The following TJP1 variants were observed in gnomAD, a reference collection of about 807,000 sequenced individuals.
TJP1 encodes the protein tight junction protein ZO-1.
TJP1 carries 43 observed loss-of-function variants against 194.2 expected under a neutral mutation model. The ratio of observed to expected loss-of-function variants is 0.22; its 90% confidence interval spans 0.17 to 0.29. The LOEUF is 0.29. Among genes scored for constraint, TJP1 ranks in the 10% least tolerant of loss-of-function variants. The probability of loss-of-function intolerance (pLI) is 1.00; values close to 1 mark genes in which losing one functional copy is unlikely to be tolerated. For synonymous variants in TJP1, 801 were observed against 779.0 expected (o/e 1.03, Z -0.47); for missense variants, 1,971 against 2,185.7 (o/e 0.90, Z 1.96).
At chr15:29,901,910 A>G (rs1181228412) in intron 2 of TJP1, among the ~76,000 whole-genome samples, 1 of 151,846 alleles carries the variant, frequency 6.6e-6, no homozygotes, top group Non-Finnish European at 1.5e-5. Flanking sequence ...AGGTATTTTC[A>G]TACTGTTCTC....
At chr15:29,762,985 T>G (rs371255820) in intron 5 of TJP1, among the ~76,000 whole-genome samples, 16 of 152,200 alleles carry the variant, frequency 1.1e-4, no homozygotes, top group Admixed American at 9.8e-4. Context: ...ACTATTATCA[T>G]GCATATACTA....
chr15:29,776,190 T>G (rs556162719), intron 2 of TJP1, among the ~76,000 whole-genome samples: 1 of 152,090 alleles, frequency 6.6e-6, no homozygotes, highest in South Asian at 2.1e-4. Flanking sequence ...AAATACTCCA[T>G]GAAAAAGGGA....
chr15:29,824,119 G>GAAAAAA (rs1567108174), upstream of TJP1: 10 of 17,624 alleles, frequency 5.7e-4, 2 homozygotes, highest in Non-Finnish European at 8.4e-4. Flanking sequence ...AAAAAAAAAT[G>GAAAAAA]GTGGCCAGGC....
intron 4 of TJP1, among the ~76,000 whole-genome samples, chr15:29,768,157 T>C (rs1394678018): frequency 6.6e-6 from 1 of 152,166 alleles, no homozygotes; most frequent in African/African-American, 2.4e-5. Flanking sequence ...TGGTTCAGGA[T>C]CAGGATGAGG....
At chr15:29,705,834 T>C in intron 25 of TJP1, 89 bp from the exon 26 acceptor site, 1 of 1,120,884 alleles carries the variant, frequency 8.9e-7, no homozygotes, top group East Asian at 2.4e-5. Flanking sequence ...GCTTTCACTT[T>C]TATTTCTCCA....
chr15:29,781,923 C>T (rs547380711), intron 2 of TJP1, among the ~76,000 whole-genome samples: 1 of 152,286 alleles, frequency 6.6e-6, no homozygotes, highest in East Asian at 1.9e-4. Context: ...GACAAGGATG[C>T]CCTCTCTCAT....
In TJP1 at chr15:29,925,623, T is replaced by TA. The variant is rs1413824099; in HGVS notation, c.306+30608dup. ...CAAATACACGCACCCTTTTTTCTAG[T>TA]ATGGGCTGTTCTTAAAGGTATGTGT... On this transcript the variant is annotated intron_variant, in intron 2 of 28. Transcript: ENST00000356107. 4.6e-5 allele frequency among the ~76,000 whole-genome samples: 7 copies of TA among 152,196 alleles called. No homozygotes were observed. In the East Asian group the frequency reaches 1.3e-3, roughly 29 times the overall value.
intron 1 of TJP1, among the ~76,000 whole-genome samples, chr15:29,821,766 C>A (rs1214341443): frequency 6.6e-6 from 1 of 150,714 alleles, no homozygotes; most frequent in Non-Finnish European, 1.5e-5. Context: ...AGTACGGCGG[C>A]CGGGCGCCCG....
At chr15:29,886,902 A>G (rs2053133098) in intron 2 of TJP1, among the ~76,000 whole-genome samples, 1 of 152,158 alleles carries the variant, frequency 6.6e-6, no homozygotes, top group Admixed American at 6.6e-5. Flanking sequence ...TAAATTTTCC[A>G]AAGTTCATCT....
At chr15:29,769,742 T>C (rs778794900) in intron 4 of TJP1, among the ~76,000 whole-genome samples, 38 of 152,170 alleles carry the variant, frequency 2.5e-4, no homozygotes, top group Non-Finnish European at 5.3e-4. Flanking sequence ...CTTATGTTGG[T>C]GGTGATGCTG....
intron 1 of TJP1, among the ~76,000 whole-genome samples, chr15:29,801,887 TA>T (rs150014635): frequency 9.5e-5 from 14 of 147,622 alleles, no homozygotes; most frequent in South Asian, 2.1e-4. Context: ...CTGATGAGCT[TA>T]AAAAAAAAAT....
intron 2 of TJP1, among the ~76,000 whole-genome samples, chr15:29,779,928 C>T (rs540403694): frequency 3.3e-5 from 5 of 150,890 alleles, no homozygotes; most frequent in African/African-American, 7.3e-5. Flanking sequence ...AGCATGTGAA[C>T]GAAGCCATAT....
chr15:29,827,527 C>T lies in TJP1; in HGVS notation c.307-26825G>A, dbSNP rs901963111. ...CTGGCTGTGTTCAGTCTCTTCTAGC[C>T]GGCTTGAGGCATCCTCCAGGGACAA... On this transcript the variant is annotated intron_variant, in intron 2 of 28. Transcript: ENST00000356107. Among the ~76,000 whole-genome samples, 8 of 152,272 alleles carry T rather than the reference C, an allele frequency of 5.3e-5. No homozygotes were observed. In the East Asian group the frequency reaches 9.7e-4, roughly 18 times the overall value.
At chr15:29,746,351 C>G (rs1252136512) in intron 8 of TJP1, among the ~76,000 whole-genome samples, 1 of 151,438 alleles carries the variant, frequency 6.6e-6, no homozygotes, top group Admixed American at 6.6e-5. Context: ...GCACTCCAGC[C>G]TGGACGACAG....
chr15:29,956,128 A>C, intron 2 of TJP1: 1 of 1,019,398 alleles, frequency 9.8e-7, no homozygotes, highest in Non-Finnish European at 1.2e-6. Flanking sequence ...AAAATTAAAA[A>C]ATGCCTGCCA....
chr15:29,821,705 C>G (rs1188357786), intron 1 of TJP1, among the ~76,000 whole-genome samples: 3 of 152,078 alleles, frequency 2.0e-5, no homozygotes, highest in African/African-American at 7.2e-5. Context: ...CGTGTCCCCG[C>G]CCTCAGCGAG....
intron 2 of TJP1, among the ~76,000 whole-genome samples, chr15:29,948,542 G>A (rs1335899318): frequency 6.6e-6 from 1 of 152,146 alleles, no homozygotes; most frequent in East Asian, 1.9e-4. Flanking sequence ...TTTAGGGGAA[G>A]TTTTCTATGC....
chr15:29,710,036 C>G lies in TJP1; in HGVS notation c.4372+795G>C, dbSNP rs537193025. Reference sequence around the variant, plus strand: ...TGGTGTGCGCCTATAGTCCCAGCTACTCAGGAGGCTGAGGCAGGAGAATCA... The same window carrying G: ...TGGTGTGCGCCTATAGTCCCAGCTAGTCAGGAGGCTGAGGCAGGAGAATCA... On this transcript the variant is annotated intron_variant, in intron 24 of 27. Coordinates refer to ENST00000614355, the MANE Select transcript of TJP1 (RefSeq NM_001330239.4). Among the ~76,000 whole-genome samples the G allele has an allele frequency of 2.0e-5, 3 of 152,178 alleles. No individual in the cohort carries two copies. In the South Asian group the frequency reaches 6.2e-4, roughly 32 times the overall value.
chr15:29,822,945 G>A (rs2152025894), upstream of TJP1: 1 of 152,300 alleles, frequency 6.6e-6, no homozygotes, highest in Middle Eastern at 3.4e-3. Context: ...TCTGCAAGGC[G>A]CGTCATGGCT....
Sources: allele counts gnomAD v4.1 joint callset (sites outside exome capture counted in the v4.1 genomes callset), GRCh38; gene constraint gnomAD v4.1.1; transcripts MANE v1.5; gene names NCBI Gene and HGNC (gene_info 2026-07-23, HGNC 2026-07-21).